GDAP1: variants seen among roughly 807,000 people sequenced by gnomAD.
The protein encoded by GDAP1 is ganglioside induced differentiation associated protein 1, also known as ganglioside-induced differentiation-associated protein 1.
GDAP1 carries 34 observed loss-of-function variants against 40.1 expected under a neutral mutation model. The observed-to-expected ratio is 0.85, with a 90% confidence interval of 0.64 to 1.13. GDAP1 has a LOEUF of 1.13. Among genes scored for constraint, GDAP1 ranks in the 50% most tolerant of loss-of-function variants. GDAP1 has a pLI of 0.00. For missense variants in GDAP1, 374 were observed against 433.7 expected, an observed-to-expected ratio of 0.86 and a Z score of 1.22; for synonymous variants, 170 against 157.4, an observed-to-expected ratio of 1.08 and a Z score of -0.60.
intron 2 of GDAP1, among the ~76,000 whole-genome samples, chr8:74,416,081 C>T (rs150398896): frequency 2.0e-5 from 3 of 149,834 alleles, no homozygotes; most frequent in East Asian, 3.9e-4. Context: ...CTGCTGCTAG[C>T]GGAGCACTGT....
intron 2 of GDAP1, among the ~76,000 whole-genome samples, chr8:74,482,086 A>G (rs11998553): frequency 0.17 from 22,625 of 135,272 alleles, 4,731 homozygotes; most frequent in African/African-American, 0.49. Flanking sequence ...GACTTCCCAC[A>G]TGCTTCTCAA....
At chr8:74,449,262 T>A (rs1806268806) in intron 2 of GDAP1, among the ~76,000 whole-genome samples, 1 of 151,910 alleles carries the variant, frequency 6.6e-6, no homozygotes, top group Non-Finnish European at 1.5e-5. Flanking sequence ...AAAGTAACTC[T>A]AAAAATCAAA....
chr8:74,484,942 ATTGCCC>A (rs1806757921), intron 2 of GDAP1, among the ~76,000 whole-genome samples: 2 of 152,034 alleles, frequency 1.3e-5, no homozygotes. Flanking sequence ...TGTGGTAACC[ATTGCCC>A]AAAGTCTCTT....
chr8:74,364,777 G>C lies in GDAP1; in HGVS notation c.*410G>C. 1 of 457,872 alleles carries C rather than the reference G, an allele frequency of 2.2e-6. No individual in the cohort carries two copies. 28.4% of individuals were successfully genotyped at this position (457,872 alleles called of 1,614,324 possible). A position where few individuals can be genotyped will look rare whatever the true frequency, so the allele number is the denominator to read the frequency against. ...TTAGGAGAGGACTAGGGAATCACTG[G>C]GGATAGTGGGCTGGAGAGAACCCCA... On this transcript the variant is annotated 3_prime_UTR_variant, in exon 6 of 6. Coordinates refer to ENST00000220822, the MANE Select transcript of GDAP1 (RefSeq NM_018972.4).
chr8:74,475,411 T>C (rs1274884959), intron 2 of GDAP1, among the ~76,000 whole-genome samples: 1 of 152,200 alleles, frequency 6.6e-6, no homozygotes, highest in Non-Finnish European at 1.5e-5. Context: ...CTTTTTGATA[T>C]AGGCATTTAG....
chr8:74,441,372 G>A (rs891527005), intron 2 of GDAP1, among the ~76,000 whole-genome samples: 11 of 152,146 alleles, frequency 7.2e-5, no homozygotes, highest in Non-Finnish European at 1.5e-4. Flanking sequence ...TCAAATGGAT[G>A]AAGAACATAT....
At chr8:74,461,201 G>T (rs768037977) in intron 2 of GDAP1, among the ~76,000 whole-genome samples, 1 of 152,180 alleles carries the variant, frequency 6.6e-6, no homozygotes, top group Non-Finnish European at 1.5e-5. Context: ...AGGATTAGAG[G>T]ATAGGCACAG....
chr8:74,391,510 C>T lies in GDAP1; in HGVS notation c.165+40189C>T, dbSNP rs112646152. ...TCTGCTTGCCCTCTGTGGGCTGCAC[C>T]CACTGTCTAACCTTTCCCAATGAGA... On this transcript the variant is annotated intron_variant, in intron 2 of 2. Coordinates refer to the GDAP1 transcript ENST00000523640. 3.4e-3 allele frequency among the ~76,000 whole-genome samples: 510 copies of T among 151,608 alleles called. 4 individuals are homozygous for T. Among genetic ancestry groups the T allele is most frequent in the African/African-American group, 0.012 (484 of 41,344 alleles).
chr8:74,467,214 A>G (rs184631839), intron 2 of GDAP1, among the ~76,000 whole-genome samples: 72 of 152,318 alleles, frequency 4.7e-4, no homozygotes, highest in African/African-American at 1.5e-3. Context: ...GGGATAGAAT[A>G]GCTGTCTTAG....
chr8:74,419,903 T>C (rs1805834112), intron 2 of GDAP1, among the ~76,000 whole-genome samples: 1 of 152,190 alleles, frequency 6.6e-6, no homozygotes, highest in African/African-American at 2.4e-5. Flanking sequence ...GCACCATTTG[T>C]TGAAGAGACC....
At chr8:74,457,505 T>C (rs541144459) in intron 2 of GDAP1, among the ~76,000 whole-genome samples, 61 of 152,054 alleles carry the variant, frequency 4.0e-4, no homozygotes, top group Admixed American at 7.2e-4. Flanking sequence ...CCTGTTTCTA[T>C]GGAGAGAAGG....
At chr8:74,440,374 T>A (rs1206026799) in intron 2 of GDAP1, among the ~76,000 whole-genome samples, 1 of 152,154 alleles carries the variant, frequency 6.6e-6, no homozygotes, top group Non-Finnish European at 1.5e-5. Context: ...AGACAAGTCA[T>A]CCTGTTGTAT....
At chr8:74,446,991 G>A (rs1037021361) in intron 2 of GDAP1, among the ~76,000 whole-genome samples, 3 of 151,976 alleles carry the variant, frequency 2.0e-5, no homozygotes, top group African/African-American at 4.8e-5. Context: ...TGATGGTAGC[G>A]CAAACTTGTG....
rs1473323904 is a variant in GDAP1 at position 74,483,322 on chromosome 8, G to T, written c.166-5356G>T. 3.3e-5 allele frequency among the ~76,000 whole-genome samples: 5 copies of T among 152,072 alleles called. No individual in the cohort carries two copies. In the East Asian group the frequency reaches 9.7e-4, roughly 29 times the overall value. The stretch of plus-strand genomic sequence containing the variant: ...CAGCATATAATGAGGGTAGACATTT[G>T]AACCATAGTTTTTCAGAATAAGGCT... On this transcript the variant is annotated intron_variant, in intron 2 of 2. Transcript: ENST00000523640.
intron 2 of GDAP1, among the ~76,000 whole-genome samples, chr8:74,352,759 G>T (rs1047877682): frequency 6.6e-6 from 1 of 152,200 alleles, no homozygotes; most frequent in African/African-American, 2.4e-5. Context: ...GTTCATTTAA[G>T]AGAATTTTTC....
chr8:74,361,616 C>T (rs1211140327), intron 3 of GDAP1, among the ~76,000 whole-genome samples: 4 of 152,022 alleles, frequency 2.6e-5, no homozygotes, highest in Non-Finnish European at 5.9e-5. Flanking sequence ...AAGATGGTCT[C>T]GATCTCTTGA....
At chr8:74,482,288 A>G (rs1291222249) in intron 2 of GDAP1, among the ~76,000 whole-genome samples, 1 of 152,112 alleles carries the variant, frequency 6.6e-6, no homozygotes, top group Non-Finnish European at 1.5e-5. Context: ...GTTCCTCAGT[A>G]TTTGGCCTCC....
intron 2 of GDAP1, among the ~76,000 whole-genome samples, chr8:74,414,677 A>T (rs1272823399): frequency 6.7e-6 from 1 of 149,874 alleles, no homozygotes; most frequent in Non-Finnish European, 1.5e-5. Flanking sequence ...ACAGAGCCTC[A>T]GGTACTTGTA....
intron 2 of GDAP1, among the ~76,000 whole-genome samples, chr8:74,462,887 CAATACA>C (rs1400510783): frequency 2.7e-5 from 4 of 150,870 alleles, no homozygotes; most frequent in African/African-American, 9.7e-5. Context: ...AAGTTGAAAT[CAATACA>C]AATACAAAAC....
Sources: allele counts gnomAD v4.1 joint callset (sites outside exome capture counted in the v4.1 genomes callset), GRCh38; gene constraint gnomAD v4.1.1; transcripts MANE v1.5; gene names NCBI Gene and HGNC (gene_info 2026-07-23, HGNC 2026-07-21).